Variants in MGAT4C observed in about 807,000 individuals in gnomAD.
MGAT4C encodes the protein alpha-1,3-mannosyl-glycoprotein 4-beta-N-acetylglucosaminyltransferase C.
In MGAT4C, 19 loss-of-function variants were observed where a neutral mutation model predicts 40.1. That is an observed-to-expected ratio of 0.47 (90% CI 0.33 to 0.70). MGAT4C has a LOEUF of 0.70. Ranked by LOEUF, MGAT4C falls within the 30% of genes least tolerant of loss-of-function variation. The pLI is 0.02. For synonymous variants in MGAT4C, 181 were observed against 187.1 expected (o/e 0.97, Z 0.27); for missense variants, 491 against 563.2 (o/e 0.87, Z 1.30).
At chr12:86,360,336 C>A (rs986423223) in intron 3 of MGAT4C, among the ~76,000 whole-genome samples, 6 of 152,162 alleles carry the variant, frequency 3.9e-5, no homozygotes, top group African/African-American at 9.7e-5. Flanking sequence ...GGGCGTACCT[C>A]AAAACAATAA....
At chr12:85,993,551 G>A (rs1886236739) in intron 2 of MGAT4C, among the ~76,000 whole-genome samples, 1 of 152,144 alleles carries the variant, frequency 6.6e-6, no homozygotes, top group Non-Finnish European at 1.5e-5. Context: ...GAGGGGCCTT[G>A]GTGAAGTGTG....
At chr12:86,118,709 G>A (rs1162014057) in intron 1 of MGAT4C, among the ~76,000 whole-genome samples, 1 of 152,072 alleles carries the variant, frequency 6.6e-6, no homozygotes, top group Non-Finnish European at 1.5e-5. Context: ...TTTTTAAAAG[G>A]ATGGTTTATA....
chr12:86,560,955 T>G (rs1217619926), intron 2 of MGAT4C, among the ~76,000 whole-genome samples: 1 of 152,142 alleles, frequency 6.6e-6, no homozygotes, highest in Non-Finnish European at 1.5e-5. Context: ...CAGTAAAGTT[T>G]CAGGATACAA....
At chr12:86,086,537 T>C (rs964875083) in intron 1 of MGAT4C, among the ~76,000 whole-genome samples, 1 of 151,950 alleles carries the variant, frequency 6.6e-6, no homozygotes, top group Non-Finnish European at 1.5e-5. Flanking sequence ...AGTATAGTAA[T>C]AAAAAAGTTA....
chr12:86,671,013 T>G (rs551409813), intron 2 of MGAT4C, among the ~76,000 whole-genome samples: 1 of 152,340 alleles, frequency 6.6e-6, no homozygotes, highest in East Asian at 1.9e-4. Context: ...TACCATTCTA[T>G]TTTCTTGTAG....
At chr12:86,056,984 G>A (rs538115955) in intron 1 of MGAT4C, among the ~76,000 whole-genome samples, 3 of 151,824 alleles carry the variant, frequency 2.0e-5, no homozygotes, top group African/African-American at 7.2e-5. Context: ...TACTAATATT[G>A]GAGAAAATAT....
intron 2 of MGAT4C, among the ~76,000 whole-genome samples, chr12:86,639,322 T>C (rs1333151949): frequency 6.6e-6 from 1 of 151,780 alleles, no homozygotes; most frequent in African/African-American, 2.4e-5. Context: ...TTCTATTTCA[T>C]CACAAATTCT....
intron 2 of MGAT4C, among the ~76,000 whole-genome samples, chr12:86,475,357 G>GA (rs2136307584): frequency 6.6e-6 from 1 of 151,904 alleles, no homozygotes; most frequent in African/African-American, 2.4e-5. Flanking sequence ...GAGAATACTG[G>GA]AAAAATAATT....
At chr12:86,632,096 G>T (rs190702622) in intron 2 of MGAT4C, among the ~76,000 whole-genome samples, 9 of 152,020 alleles carry the variant, frequency 5.9e-5, no homozygotes, top group African/African-American at 1.4e-4. Context: ...GTGGGCAAAG[G>T]ATATGAACAG....
chr12:86,666,098 G>C (rs536784360), intron 2 of MGAT4C, among the ~76,000 whole-genome samples: 12 of 152,212 alleles, frequency 7.9e-5, no homozygotes, highest in Non-Finnish European at 1.5e-4. Flanking sequence ...CTTAAAACAA[G>C]CTTGATGCAA....
At chr12:86,542,811 C>G (rs1028942701) in intron 2 of MGAT4C, among the ~76,000 whole-genome samples, 2 of 152,204 alleles carry the variant, frequency 1.3e-5, no homozygotes, top group Non-Finnish European at 2.9e-5. Flanking sequence ...AGGGCAAGCA[C>G]ATAATAAATA....
chr12:86,534,575 C>T (rs577752978), intron 2 of MGAT4C, among the ~76,000 whole-genome samples: 1 of 152,220 alleles, frequency 6.6e-6, no homozygotes, highest in East Asian at 1.9e-4. Context: ...TCATTTAACT[C>T]TCACCATATA....
chr12:86,456,139 G>A (rs991343663), intron 2 of MGAT4C, among the ~76,000 whole-genome samples: 41 of 152,044 alleles, frequency 2.7e-4, no homozygotes, highest in African/African-American at 9.6e-4. Context: ...ATTTATTGAG[G>A]ATATATTTCA....
chr12:86,333,047 G>T (rs960591675), intron 4 of MGAT4C, among the ~76,000 whole-genome samples: 3 of 152,158 alleles, frequency 2.0e-5, no homozygotes, highest in African/African-American at 7.2e-5. Context: ...CCTGCTCCCA[G>T]AGGAAACCAA....
At chr12:86,437,614 T>C (rs1397702294) in intron 2 of MGAT4C, among the ~76,000 whole-genome samples, 1 of 151,930 alleles carries the variant, frequency 6.6e-6, no homozygotes, top group Non-Finnish European at 1.5e-5. Context: ...TATTGCAGTT[T>C]TACAAATTGA....
At chr12:86,089,617 T>C (rs1490952475) in intron 1 of MGAT4C, among the ~76,000 whole-genome samples, 3 of 151,882 alleles carry the variant, frequency 2.0e-5, no homozygotes, top group Admixed American at 6.6e-5. Context: ...GCTGATTATC[T>C]TGATGGGTTG....
Position 85,977,415 on chromosome 12 carries a change from G to T in MGAT4C, c.*1874C>A, listed in dbSNP as rs2136673985. On this transcript the variant is annotated 3_prime_UTR_variant, in exon 5 of 5. Transcript: ENST00000611864. ...AAAATAGAACATTTTTAGGTGTCTG[G>T]CAAGTATCCTCTAAATCAAGGTAAA... 1 of 151,454 alleles carries T rather than the reference G, an allele frequency of 6.6e-6. No homozygotes were observed. Among genetic ancestry groups the T allele is most frequent in the Non-Finnish European group, 1.5e-5 (1 of 67,464 alleles). 9.4% of individuals were successfully genotyped at this position (151,454 alleles called of 1,614,324 possible).
intron 2 of MGAT4C, among the ~76,000 whole-genome samples, chr12:86,615,811 T>C (rs1319382963): frequency 1.3e-5 from 2 of 152,080 alleles, no homozygotes; most frequent in Non-Finnish European, 2.9e-5. Flanking sequence ...ATTTTTTCCA[T>C]AAATTTATGG....
Position 85,961,956 on chromosome 12 carries a change from A to G in MGAT4C, c.*17333T>C, listed in dbSNP as rs1026085. 68,168 of 151,622 alleles carry G rather than the reference A, an allele frequency of 0.45. 16,114 individuals carry two copies. Among genetic ancestry groups the G allele is most frequent in the African/African-American group, 0.54 (22,332 of 41,448 alleles). 9.4% of individuals were successfully genotyped at this position (151,622 alleles called of 1,614,324 possible). On this transcript the variant is annotated 3_prime_UTR_variant, in exon 5 of 5. Coordinates refer to ENST00000611864, the MANE Select transcript of MGAT4C (RefSeq NM_001351288.2). ...CATCAAAGCAGTGAGACTGTGTGCT[A>G]TGTCCAGTTTTATTCATTTCTTTTG...
Sources: gnomAD v4.1 joint callset for allele counts (sites outside exome capture counted in the v4.1 genomes callset) on GRCh38, gnomAD v4.1.1 for gene constraint, MANE v1.5 for transcripts, NCBI Gene and HGNC (gene_info 2026-07-23, HGNC 2026-07-21) for gene names.